The following AGAP3 variants were observed in gnomAD, a reference collection of about 807,000 sequenced individuals.
The protein encoded by AGAP3 is arf-GAP with GTPase, ANK repeat and PH domain-containing protein 3.
Under a neutral mutation model 96.9 loss-of-function variants are expected in AGAP3, and 24 were observed. The observed-to-expected ratio is 0.25, with a 90% CI of 0.18 to 0.35. The LOEUF (loss-of-function observed/expected upper bound fraction) is 0.35, where lower values mean the gene tolerates loss of function less well. AGAP3 is among the 10% of genes least tolerant of loss of function. The probability of loss-of-function intolerance (pLI) is 1.00; values close to 1 mark genes in which losing one functional copy is unlikely to be tolerated. For synonymous variants in AGAP3, 563 were observed against 536.1 expected (o/e 1.05, Z -0.69); for missense variants, 876 against 1,254.2 (o/e 0.70, Z 4.55).
intron 1 of AGAP3, among the ~76,000 whole-genome samples, chr7:151,112,467 C>A (rs1004481460): frequency 6.6e-6 from 1 of 150,826 alleles, no homozygotes; most frequent in African/African-American, 2.4e-5. Flanking sequence ...GCCTTAACCC[C>A]CTTCTTTCCC....
At chr7:151,094,938 G>A (rs947929945) in intron 1 of AGAP3, among the ~76,000 whole-genome samples, 2 of 151,580 alleles carry the variant, frequency 1.3e-5, no homozygotes, top group Non-Finnish European at 2.9e-5. Flanking sequence ...GTAGTGACGC[G>A]ATCGTAGCTC....
At position 151,134,510 on chromosome 7, in the gene AGAP3, C is replaced by T; in HGVS notation, c.1437C>T (p.Ser479=). 6.2e-7 allele frequency: 1 copy of T among 1,613,264 alleles called. No homozygotes were observed. The highest frequency in any genetic ancestry group is 1.1e-5 in the South Asian group (1 of 91,060). The change falls in exon 11 of 18, where the codon AGC becomes AGT. Residue 479 remains serine, a synonymous_variant. Coordinates refer to ENST00000397238, the MANE Select transcript of AGAP3 (RefSeq NM_031946.7). ...RATPATAPGT[S]PRANGLSVER... ...CACCTGCCACAGCCCCGGGCACCAG[C>T]CCCCGTGCCAACGGGCTGTCCGTGG...
intron 8 of AGAP3, among the ~76,000 whole-genome samples, chr7:151,122,493 T>TGCCGCTGCCGCCCGCC (rs1253655935): frequency 6.6e-6 from 1 of 150,822 alleles, no homozygotes; most frequent in East Asian, 1.9e-4. Context: ...GCCCAGCAGG[T>TGCCGCTGCCGCCCGCC]GCCGCTGCCG....
intron 1 of AGAP3, chr7:151,112,311 T>C (rs1799324198): frequency 6.6e-6 from 1 of 152,244 alleles, no homozygotes; most frequent in Non-Finnish European, 1.5e-5. Context: ...TTGGACTGAT[T>C]CTGCAGGTGC....
chr7:151,128,697 G>A lies in AGAP3; in HGVS notation c.1326+13G>A, dbSNP rs777169515. On this transcript the variant is annotated intron_variant, in intron 10 of 17. Transcript: ENST00000397238. Reference sequence around the variant, plus strand: ...CCCCAGCCTGCATGTGAGTCTGGGAGGAGGAGCCTCCTGGGGGAGTATGGG... The same window carrying A: ...CCCCAGCCTGCATGTGAGTCTGGGAAGAGGAGCCTCCTGGGGGAGTATGGG... The A allele has an allele frequency of 6.2e-7, 1 of 1,610,658 alleles. No homozygotes were observed. Among genetic ancestry groups the A allele is most frequent in the Non-Finnish European group, 8.5e-7 (1 of 1,177,366 alleles).
At position 151,117,671 on chromosome 7, in the gene AGAP3, C is replaced by T. The variant is rs1350385187; in HGVS notation, c.600C>T (p.Phe200=). Residue 200 remains phenylalanine (F), a synonymous_variant, in exon 5 of 18, where the codon TTC becomes TTT. Transcript: ENST00000397238. ...GGGTGGATGCAGTGGTGTTTGTGTT[C>T]AGCCTGGAGGATGAAATCAGTTTCC... is the stretch of plus-strand genomic sequence containing the variant. ...AAWVDAVVFV[F]SLEDEISFQT... 12 of 1,614,086 alleles carry T rather than the reference C, an allele frequency of 7.4e-6. No homozygotes were observed. The highest frequency in any genetic ancestry group is 8.5e-6 in the Non-Finnish European group (10 of 1,180,022).
intron 8 of AGAP3, among the ~76,000 whole-genome samples, chr7:151,121,222 A>G (rs915401749): frequency 1.4e-4 from 21 of 152,002 alleles, no homozygotes; most frequent in African/African-American, 5.1e-4. Flanking sequence ...CCTCGCGGCC[A>G]TCCATGCTAA....
chr7:151,115,553 C>A, intron 1 of AGAP3: 1 of 1,113,316 alleles, frequency 9.0e-7, no homozygotes, highest in South Asian at 4.3e-5. Context: ...TGCTCACGAG[C>A]CGCTTCCGCC....
At chr7:151,113,169 G>A (rs2150449687) in intron 1 of AGAP3, among the ~76,000 whole-genome samples, 1 of 152,320 alleles carries the variant, frequency 6.6e-6, no homozygotes, top group South Asian at 2.1e-4. Flanking sequence ...GGCAGAATGT[G>A]TTTCCTTTTG....
rs1563504999 is a variant in AGAP3 at position 151,128,562 on chromosome 7, T to A, written c.1222-18T>A. On this transcript the variant is annotated intron_variant, in intron 9 of 17. Transcript: ENST00000397238. ...TAGGGGGCTGGCTCCTGGTTTCTGA[T>A]CAGACCTCTGTTCTCAGGGGATCCT... 1 of 1,611,932 alleles carries A rather than the reference T, an allele frequency of 6.2e-7. No homozygotes were observed. Among genetic ancestry groups the A allele is most frequent in the Non-Finnish European group, 8.5e-7 (1 of 1,178,528 alleles).
chr7:151,130,472 C>T (rs935162459), intron 10 of AGAP3, among the ~76,000 whole-genome samples: 6 of 152,142 alleles, frequency 3.9e-5, no homozygotes, highest in African/African-American at 1.4e-4. Context: ...GCCAAGAGCA[C>T]CTCCCTCTGG....
chr7:151,137,079 G>A (rs184037243), intron 11 of AGAP3, among the ~76,000 whole-genome samples: 28 of 152,354 alleles, frequency 1.8e-4, no homozygotes, highest in Admixed American at 7.8e-4. Context: ...GCCTTTGGGC[G>A]TCTCCCAGCA....
rs1800867409 is a variant in AGAP3, at chr7:151,142,689, C to T, written c.2273+55C>T. 3 of 1,552,182 alleles carry T rather than the reference C, an allele frequency of 1.9e-6. No homozygotes were observed. The highest frequency in any genetic ancestry group is 2.6e-6 in the Non-Finnish European group (3 of 1,137,004). Reference sequence around the variant, plus strand: ...GGAATGGGGGAAGCGTTGGGGGCTCCCAGCATGGGGAAGATTGGAGTGGCT... The same window carrying T: ...GGAATGGGGGAAGCGTTGGGGGCTCTCAGCATGGGGAAGATTGGAGTGGCT... On this transcript the variant is annotated intron_variant, in intron 16 of 17. Transcript: ENST00000397238. This position sits in a 1 kb window ranked among gnomAD's most constrained non-coding sequence, Gnocchi z 7.5.
intron 1 of AGAP3, chr7:151,115,067 GC>G: frequency 9.8e-7 from 1 of 1,019,092 alleles, no homozygotes; most frequent in Non-Finnish European, 1.2e-6. Flanking sequence ...TCTCGCCTGC[GC>G]CCAGCCCCGC....
intron 11 of AGAP3, chr7:151,136,261 A>C: frequency 6.6e-6 from 1 of 152,118 alleles, no homozygotes; most frequent in Admixed American, 6.5e-5. Context: ...GTTTCCCTAG[A>C]GCAAGGGAAA....
intron 8 of AGAP3, chr7:151,123,573 G>A: frequency 7.2e-7 from 1 of 1,381,826 alleles, no homozygotes; most frequent in South Asian, 1.6e-5. Context: ...TAAGGGGCGG[G>A]CCCGGCTCAG....
At position 151,142,006 on chromosome 7, in the gene AGAP3, C is replaced by T. The variant is rs1260871665; in HGVS notation, c.1913C>T (p.Ala638Val). The change falls in exon 14 of 18, where the codon GCC (alanine) becomes GTC (valine). Residue 638 changes from alanine to valine, a missense_variant. Physicochemically the swap from Ala to Val is moderately conservative, Grantham distance 64. Around this residue, in one of 8 missense-constraint regions of AGAP3, gnomAD observed 103 missense variants for 183.0 expected, o/e 0.56. Coordinates refer to ENST00000397238, the MANE Select transcript of AGAP3 (RefSeq NM_031946.7). This position sits in a 1 kb window ranked among gnomAD's most constrained non-coding sequence, Gnocchi z 7.5. ...GAGCTGTGGGTTCAGAGTGTGCAGGCCCAGATCCTTGCCAGCCTGCAAGGC... is the reference window on the plus strand; with the variant it reads ...GAGCTGTGGGTTCAGAGTGTGCAGGTCCAGATCCTTGCCAGCCTGCAAGGC... ...ERELWVQSVQ[A>V]QILASLQGCR... 2 of 1,614,134 alleles carry T rather than the reference C, an allele frequency of 1.2e-6. No homozygotes were observed. Among genetic ancestry groups the T allele is most frequent in the Non-Finnish European group, 1.7e-6 (2 of 1,180,014 alleles).
chr7:151,137,912 G>A (rs1800664772), intron 11 of AGAP3: 1 of 545,598 alleles, frequency 1.8e-6, no homozygotes, highest in Non-Finnish European at 3.2e-6. Context: ...CCGGACCACA[G>A]TGAGGGGACA....
chr7:151,140,285 GGT>G lies in AGAP3; in HGVS notation c.1804+170_1804+171del. 1 of 743,910 alleles carries G rather than the reference GGT, an allele frequency of 1.3e-6. No individual in the cohort carries two copies. Among genetic ancestry groups the G allele is most frequent in the East Asian group, 3.5e-5 (1 of 28,896 alleles). The allele number at this position is 743,910 out of a possible 1,614,324, so 46.1% of individuals were successfully genotyped here. On this transcript the variant is annotated intron_variant, in intron 13 of 17. Coordinates refer to ENST00000397238, the MANE Select transcript of AGAP3 (RefSeq NM_031946.7). The surrounding 1 kb of genome is among the most constrained non-coding windows in gnomAD (Gnocchi z 5.4). ...CAGCTTCTTTTGGTAATCTAGACCT[GGT>G]ATCTTAGAAAAGTTCTTCTGATAAC...
Sources: gnomAD v4.1 joint callset for allele counts (sites outside exome capture counted in the v4.1 genomes callset) on GRCh38, gnomAD v4.1.1 for gene constraint, gnomAD v4.1.1 regional missense constraint, Gnocchi (gnomAD v3.1) non-coding constraint, MANE v1.5 for transcripts, NCBI Gene and HGNC (gene_info 2026-07-23, HGNC 2026-07-21) for gene names.